The following ARMH4 variants were observed in gnomAD, a reference collection of about 807,000 sequenced individuals.
The protein encoded by ARMH4 is armadillo-like helical domain-containing protein 4.
In ARMH4, 49 loss-of-function variants were observed where a neutral mutation model predicts 61.9. The observed-to-expected ratio is 0.79, with a 90% CI of 0.63 to 1.00. ARMH4 has a LOEUF of 1.00. Ranked by LOEUF, ARMH4 falls within the 50% of genes least tolerant of loss-of-function variation. The probability of loss-of-function intolerance (pLI) is 0.00; values close to 1 mark genes in which losing one functional copy is unlikely to be tolerated. For missense variants in ARMH4, 934 were observed against 930.0 expected (o/e 1.00, Z -0.06); for synonymous variants, 368 against 341.5 (o/e 1.08, Z -0.85).
At chr14:58,018,774 C>T (rs67112010) in intron 5 of ARMH4, among the ~76,000 whole-genome samples, 9,605 of 152,158 alleles carry the variant, frequency 0.063, 402 homozygotes, top group African/African-American at 0.11. Context: ...CTACTGGGTA[C>T]ATATTCAAAG....
chr14:58,133,014 C>T, intron 3 of ARMH4, 76 bp downstream of exon 3: 3 of 1,538,438 alleles, frequency 2.0e-6, no homozygotes, highest in Non-Finnish European at 2.7e-6. Flanking sequence ...TCGGCTGCCT[C>T]ACTCATTCTA....
chr14:58,144,724 C>T (rs932819648), intron 1 of ARMH4, among the ~76,000 whole-genome samples: 3 of 151,938 alleles, frequency 2.0e-5, no homozygotes, highest in Admixed American at 6.6e-5. Flanking sequence ...AAAAATTAGC[C>T]GGGCATGGTG....
At chr14:58,078,329 C>A (rs1034960509) in intron 5 of ARMH4, among the ~76,000 whole-genome samples, 9 of 152,180 alleles carry the variant, frequency 5.9e-5, no homozygotes, top group Non-Finnish European at 1.3e-4. Context: ...GGAGTCATCA[C>A]TTCTTTTTCT....
At chr14:58,075,948 A>G (rs1223563597) in intron 5 of ARMH4, among the ~76,000 whole-genome samples, 2 of 152,138 alleles carry the variant, frequency 1.3e-5, no homozygotes, top group Non-Finnish European at 2.9e-5. Flanking sequence ...ATAAGTTACC[A>G]TTATAACCAA....
chr14:58,098,647 C>A (rs1289630576), intron 4 of ARMH4, among the ~76,000 whole-genome samples: 3 of 152,142 alleles, frequency 2.0e-5, no homozygotes, highest in Admixed American at 2.0e-4. Context: ...GAGGAAATGG[C>A]AAGGACCTAA....
chr14:58,143,500 G>T (rs369520315), intron 1 of ARMH4, among the ~76,000 whole-genome samples: 31 of 152,270 alleles, frequency 2.0e-4, no homozygotes, highest in African/African-American at 7.0e-4. Flanking sequence ...GTCTCACTCT[G>T]TTGCCCAGGC....
chr14:58,009,895 T>C (rs1359130218), intron 6 of ARMH4, among the ~76,000 whole-genome samples: 1 of 151,168 alleles, frequency 6.6e-6, no homozygotes, highest in African/African-American at 2.4e-5. Flanking sequence ...TGGGGGCGGA[T>C]TGGCTATCAT....
rs542683843 is a variant in ARMH4, at chr14:58,049,567, T to C, written c.2090-37417A>G. 2.0e-5 allele frequency among the ~76,000 whole-genome samples: 3 copies of C among 152,178 alleles called. No homozygotes were observed. The South Asian group carries it at 6.2e-4, about 32-fold the overall frequency. ...AACCTTTGATTAAGCTTCTGCAAAC[T>C]TGCTGAAGGATGGATGCAGAGATGA... is the stretch of plus-strand genomic sequence containing the variant. On this transcript the variant is annotated intron_variant, in intron 5 of 7. Transcript: ENST00000267485.
At chr14:58,129,378 C>A (rs749842676) in intron 4 of ARMH4, among the ~76,000 whole-genome samples, 17 of 152,190 alleles carry the variant, frequency 1.1e-4, no homozygotes, top group Non-Finnish European at 1.9e-4. Context: ...AAAAGTACCT[C>A]ATTTCCCAGA....
At chr14:58,147,897 A>C (rs755228371) in intron 1 of ARMH4, among the ~76,000 whole-genome samples, 5 of 152,070 alleles carry the variant, frequency 3.3e-5, no homozygotes, top group Non-Finnish European at 5.9e-5. Context: ...GCTTTCCCAA[A>C]ACACAGCATA....
intron 5 of ARMH4, among the ~76,000 whole-genome samples, chr14:58,044,619 T>C (rs547875009): frequency 8.5e-5 from 13 of 152,082 alleles, no homozygotes; most frequent in African/African-American, 3.1e-4. Flanking sequence ...ACAAATGGGA[T>C]CTAATTAAAC....
intron 5 of ARMH4, among the ~76,000 whole-genome samples, chr14:58,020,209 T>C (rs575717412): frequency 1.3e-5 from 2 of 152,296 alleles, no homozygotes; most frequent in South Asian, 4.1e-4. Context: ...TAAAGCCTGT[T>C]CAGTACACCC....
At chr14:58,007,424 T>A (rs1005789826) in intron 6 of ARMH4, among the ~76,000 whole-genome samples, 12 of 152,246 alleles carry the variant, frequency 7.9e-5, no homozygotes, top group African/African-American at 2.7e-4. Flanking sequence ...ACTTTCATTG[T>A]GGAATGGTTA....
At chr14:58,016,146 G>C (rs1415448685) in intron 5 of ARMH4, among the ~76,000 whole-genome samples, 1 of 151,834 alleles carries the variant, frequency 6.6e-6, no homozygotes, top group Non-Finnish European at 1.5e-5. Flanking sequence ...CCATGAATGT[G>C]CACAAAAATT....
chr14:58,044,058 C>G (rs1263861357), intron 5 of ARMH4, among the ~76,000 whole-genome samples: 1 of 152,096 alleles, frequency 6.6e-6, no homozygotes, highest in Admixed American at 6.5e-5. Context: ...TTTATAGATT[C>G]AATGCCATCC....
chr14:58,050,470 C>T (rs948620377), intron 5 of ARMH4, among the ~76,000 whole-genome samples: 4 of 152,162 alleles, frequency 2.6e-5, no homozygotes, highest in African/African-American at 9.7e-5. Context: ...ATGTGAGTGA[C>T]TACATTCTCC....
intron 5 of ARMH4, among the ~76,000 whole-genome samples, chr14:58,083,175 G>A (rs548004538): frequency 8.3e-4 from 126 of 152,308 alleles, no homozygotes; most frequent in Middle Eastern, 6.8e-3. Flanking sequence ...GGCATTTGCA[G>A]ACAGATACAT....
At chr14:58,058,073 G>A (rs1358614906) in intron 5 of ARMH4, among the ~76,000 whole-genome samples, 1 of 152,162 alleles carries the variant, frequency 6.6e-6, no homozygotes, top group Non-Finnish European at 1.5e-5. Flanking sequence ...TTCAGCAAAG[G>A]AAGATAGTAT....
Position 58,138,442 on chromosome 14 carries a change from G to A in ARMH4, c.917C>T (p.Ala306Val). ...CCACTCATCACTTAAGGCAGAGGCA[G>A]CTGGAACAGCTGTGCTGACACTCAC... ...VTVSVSTAVP[A>V]ASALSDEWDD... The change falls in exon 2 of 8, where the codon GCT (alanine) becomes GTT (valine). Residue 306 changes from alanine (A) to valine (V), a missense_variant. By Grantham distance (64) the Ala-to-Val change is moderately conservative (BLOSUM62 0). Coordinates refer to ENST00000267485, the MANE Select transcript of ARMH4 (RefSeq NM_001001872.4). 1 of 1,614,250 alleles carries A rather than the reference G, an allele frequency of 6.2e-7. No individual in the cohort carries two copies. The highest frequency in any genetic ancestry group is 8.5e-7 in the Non-Finnish European group (1 of 1,180,048).
Sources: allele counts gnomAD v4.1 joint callset (sites outside exome capture counted in the v4.1 genomes callset), GRCh38; gene constraint gnomAD v4.1.1; transcripts MANE v1.5; gene names NCBI Gene and HGNC (gene_info 2026-07-23, HGNC 2026-07-21).